REEP1: variants seen among roughly 807,000 people sequenced by gnomAD.
REEP1 encodes receptor expression-enhancing protein 1.
REEP1 carries 22 observed loss-of-function variants against 40.3 expected under a neutral mutation model. The observed-to-expected ratio is 0.55, with a 90% CI of 0.39 to 0.78. REEP1 has a LOEUF of 0.78. REEP1 is among the 30% of genes least tolerant of loss of function. The pLI is 0.00. For missense variants in REEP1, 280 were observed against 361.1 expected, an observed-to-expected ratio of 0.78 and a Z score of 1.82; for synonymous variants, 116 against 139.2, an observed-to-expected ratio of 0.83 and a Z score of 1.17.
rs910506690 is a variant in REEP1 at position 86,215,616 on chromosome 2, A to G, written c.*1423T>C. On this transcript the variant is annotated 3_prime_UTR_variant, in exon 9 of 9. Transcript: ENST00000538924. Reference sequence around the variant, plus strand: ...AGAAACACCAACTCGAAGCACAAATATATTATTCTTATATTTCGGCTCAGC... The same window carrying G: ...AGAAACACCAACTCGAAGCACAAATGTATTATTCTTATATTTCGGCTCAGC... 1 of 152,622 alleles carries G rather than the reference A, an allele frequency of 6.6e-6. No homozygotes were observed. Among genetic ancestry groups the G allele is most frequent in the Non-Finnish European group, 1.5e-5 (1 of 68,042 alleles). The allele number at this position is 152,622 out of a possible 1,614,324, so 9.5% of individuals were successfully genotyped here.
intron 6 of REEP1, among the ~76,000 whole-genome samples, chr2:86,228,456 C>CT (rs5832674): frequency 0.012 from 1,690 of 137,766 alleles, 36 homozygotes; most frequent in African/African-American, 0.043. Flanking sequence ...ATCCCCTTCA[C>CT]TTTTTTTTTT....
At chr2:86,285,756 G>T (rs987026741) in intron 1 of REEP1, among the ~76,000 whole-genome samples, 19 of 152,182 alleles carry the variant, frequency 1.2e-4, no homozygotes, top group African/African-American at 4.3e-4. Context: ...CTTTAAGTGG[G>T]TGCTTGAAAT....
At position 86,332,105 on chromosome 2, in the gene REEP1, G is replaced by A. The variant is rs1680796190; in HGVS notation, c.32+5374C>T. Among the ~76,000 whole-genome samples, 4 of 152,040 alleles carry A rather than the reference G, an allele frequency of 2.6e-5. No individual in the cohort carries two copies. In the South Asian group the frequency reaches 8.3e-4, roughly 32 times the overall value. On this transcript the variant is annotated intron_variant, in intron 1 of 8. Transcript: ENST00000538924. ...CAGTGTGACTTAAAAATCCCAAAGT[G>A]AAAATAATGTGCTTCTGTATAAAGA...
chr2:86,316,503 G>A lies in REEP1; in HGVS notation c.32+20976C>T, dbSNP rs561472958. Among the ~76,000 whole-genome samples, 8 of 144,272 alleles carry A rather than the reference G, an allele frequency of 5.5e-5. No homozygotes were observed. The South Asian group carries it at 1.5e-3, about 28-fold the overall frequency. The allele number at this position is 144,272 out of a possible 152,430, so 94.6% of individuals were successfully genotyped here. A position where few individuals can be genotyped will look rare whatever the true frequency, so the allele number is the denominator to read the frequency against. ...GCAGAGGTTGCAGTGAGCCGAGATC[G>A]TGCCATTGCACTCCAGCCCAGGCAA... On this transcript the variant is annotated intron_variant, in intron 1 of 8. Transcript: ENST00000538924.
intron 1 of REEP1, among the ~76,000 whole-genome samples, chr2:86,295,995 G>C (rs1027323263): frequency 1.3e-5 from 2 of 151,980 alleles, no homozygotes; most frequent in African/African-American, 2.4e-5. Flanking sequence ...ATAACAGAAA[G>C]AGGTAGCTCT....
intron 3 of REEP1, among the ~76,000 whole-genome samples, chr2:86,256,352 A>G (rs978645893): frequency 4.6e-5 from 7 of 150,956 alleles, no homozygotes; most frequent in Non-Finnish European, 8.9e-5. Flanking sequence ...CATCTCAAAA[A>G]AAAAAAAAAA....
rs1396043181 is a variant in REEP1, at chr2:86,236,831, G to A, written c.418-4029C>T. ...GGCTCACTGCAACTCCGCCTCCCGCGTTCACGCATTCTCTTGCCTCAACCT... is the reference window on the plus strand; with the variant it reads ...GGCTCACTGCAACTCCGCCTCCCGCATTCACGCATTCTCTTGCCTCAACCT... On this transcript the variant is annotated intron_variant, in intron 5 of 8. Coordinates refer to ENST00000538924, the MANE Select transcript of REEP1 (RefSeq NM_001371279.1). Among the ~76,000 whole-genome samples, 7 of 151,636 alleles carry A rather than the reference G, an allele frequency of 4.6e-5. No individual in the cohort carries two copies. The East Asian group carries it at 1.2e-3, about 25-fold the overall frequency.
chr2:86,299,739 G>A (rs1280571765), intron 1 of REEP1, among the ~76,000 whole-genome samples: 1 of 152,134 alleles, frequency 6.6e-6, no homozygotes, highest in East Asian at 1.9e-4. Flanking sequence ...GTAGTTATTG[G>A]CTACTAATAA....
At chr2:86,269,453 T>C (rs1224616646) in intron 2 of REEP1, among the ~76,000 whole-genome samples, 1 of 152,238 alleles carries the variant, frequency 6.6e-6, no homozygotes, top group Non-Finnish European at 1.5e-5. Flanking sequence ...ACAAATGTCC[T>C]AAATATTTTA....
chr2:86,329,532 G>A (rs539339490), intron 1 of REEP1, among the ~76,000 whole-genome samples: 1 of 152,262 alleles, frequency 6.6e-6, no homozygotes, highest in African/African-American at 2.4e-5. Context: ...CACAAATGGT[G>A]GCTTGCAATT....
Position 86,304,733 on chromosome 2 carries a change from C to A in REEP1, c.33-22491G>T, listed in dbSNP as rs576762373. Among the ~76,000 whole-genome samples, 11 of 152,332 alleles carry A rather than the reference C, an allele frequency of 7.2e-5. No individual in the cohort carries two copies. In the East Asian group the frequency reaches 2.1e-3, roughly 29 times the overall value. ...AAAGACCACCCACCTTCACCCCCAC[C>A]CCTGGGCACCCACCACAGGACTCTG... On this transcript the variant is annotated intron_variant, in intron 1 of 8. Transcript: ENST00000538924.
intron 1 of REEP1, among the ~76,000 whole-genome samples, chr2:86,303,163 C>G (rs1282925473): frequency 6.6e-6 from 1 of 151,906 alleles, no homozygotes; most frequent in Non-Finnish European, 1.5e-5. Flanking sequence ...TGACCTCAGC[C>G]TCCTGAGTAG....
At chr2:86,224,225 C>T (rs925361700) in intron 7 of REEP1, among the ~76,000 whole-genome samples, 1 of 152,198 alleles carries the variant, frequency 6.6e-6, no homozygotes, top group Non-Finnish European at 1.5e-5. Flanking sequence ...TGCATGGCCC[C>T]AGAGGTAATT....
chr2:86,247,768 A>G (rs1391350611), intron 5 of REEP1, among the ~76,000 whole-genome samples: 1 of 151,966 alleles, frequency 6.6e-6, no homozygotes, highest in Non-Finnish European at 1.5e-5. Context: ...ACGGGGTTTC[A>G]TCATGTTGCC....
intron 5 of REEP1, among the ~76,000 whole-genome samples, chr2:86,251,001 A>G (rs1285418576): frequency 1.3e-5 from 2 of 152,126 alleles, no homozygotes; most frequent in Non-Finnish European, 2.9e-5. Flanking sequence ...TCCTTCCCCA[A>G]AACCCTCACA....
chr2:86,300,370 A>G lies in REEP1; in HGVS notation c.33-18128T>C, dbSNP rs1679203943. On this transcript the variant is annotated intron_variant, in intron 1 of 8. Transcript: ENST00000538924. ...CAGTTTCATACCACACAACGCTTCC[A>G]GGCCCTCAACAGTCAGGTTCTGTCT... 2.0e-5 allele frequency among the ~76,000 whole-genome samples: 3 copies of G among 152,186 alleles called. 1 individual carries two copies. Among genetic ancestry groups the G allele is most frequent in the Admixed American group, 2.0e-4 (3 of 15,272 alleles).
chr2:86,252,098 G>A, intron 4 of REEP1, 28 bp from the exon 5 acceptor site: 1 of 1,458,478 alleles, frequency 6.9e-7, no homozygotes, highest in Non-Finnish European at 9.6e-7. Context: ...GAGGCACACT[G>A]AGCTGGAAGG....
At chr2:86,282,682 G>T (rs899662608) in intron 1 of REEP1, among the ~76,000 whole-genome samples, 6 of 152,140 alleles carry the variant, frequency 3.9e-5, no homozygotes, top group Non-Finnish European at 7.3e-5. Context: ...GCATCCTGCA[G>T]CTAGAATAAA....
At chr2:86,314,719 G>A (rs913517338) in intron 1 of REEP1, among the ~76,000 whole-genome samples, 23 of 149,730 alleles carry the variant, frequency 1.5e-4, no homozygotes, top group South Asian at 2.1e-4. Context: ...TGCCCAGGCC[G>A]GAGTGCAGTG....
Sources: allele counts gnomAD v4.1 joint callset (sites outside exome capture counted in the v4.1 genomes callset), GRCh38; gene constraint gnomAD v4.1.1; transcripts MANE v1.5; gene names NCBI Gene and HGNC (gene_info 2026-07-23, HGNC 2026-07-21).